The following GRM8 variants were observed in gnomAD, a reference collection of about 807,000 sequenced individuals.
GRM8 encodes the protein metabotropic glutamate receptor 8.
In GRM8, 47 loss-of-function variants were observed where a neutral mutation model predicts 87.2. The ratio of observed to expected loss-of-function variants is 0.54; its 90% confidence interval spans 0.43 to 0.69. The LOEUF (loss-of-function observed/expected upper bound fraction) is 0.69. Among genes scored for constraint, GRM8 ranks in the 30% least tolerant of loss-of-function variants. The pLI, the probability that GRM8 is intolerant of heterozygous loss-of-function variation, is 0.00. For synonymous variants in GRM8, 396 were observed against 404.5 expected, an observed-to-expected ratio of 0.98 and a Z score of 0.25; for missense variants, 1,019 against 1,139.2, an observed-to-expected ratio of 0.89 and a Z score of 1.52.
chr7:127,144,270 T>A (rs1828434468), intron 2 of GRM8, among the ~76,000 whole-genome samples: 1 of 152,128 alleles, frequency 6.6e-6, no homozygotes, highest in Non-Finnish European at 1.5e-5. Flanking sequence ...AAGAAAAGAA[T>A]AAGTTCTTTA....
At chr7:126,573,064 A>G (rs948536109) in intron 8 of GRM8, among the ~76,000 whole-genome samples, 2 of 152,194 alleles carry the variant, frequency 1.3e-5, no homozygotes, top group Admixed American at 1.3e-4. Flanking sequence ...AGAGAAGACA[A>G]TTCAGGTGAC....
At chr7:126,475,771 TAGAC>T (rs1411580079) in intron 9 of GRM8, among the ~76,000 whole-genome samples, 1 of 152,066 alleles carries the variant, frequency 6.6e-6, no homozygotes, top group Non-Finnish European at 1.5e-5. Context: ...AACAGACTTA[TAGAC>T]CAATGGAACA....
intron 3 of GRM8, among the ~76,000 whole-genome samples, chr7:126,914,231 C>T (rs144274227): frequency 6.6e-6 from 1 of 152,292 alleles, no homozygotes; most frequent in African/African-American, 2.4e-5. Flanking sequence ...GACATCATCA[C>T]ACACCAGTCA....
intron 8 of GRM8, among the ~76,000 whole-genome samples, chr7:126,554,405 C>T (rs934559242): frequency 6.7e-6 from 1 of 149,582 alleles, no homozygotes; most frequent in African/African-American, 2.5e-5. Flanking sequence ...CATAGCAAGA[C>T]CCAATTTCTA....
intron 3 of GRM8, among the ~76,000 whole-genome samples, chr7:126,975,841 T>C (rs1189436028): frequency 6.6e-6 from 1 of 152,240 alleles, no homozygotes; most frequent in African/African-American, 2.4e-5. Context: ...AGATAATACA[T>C]AGCTGTTTTT....
intron 3 of GRM8, among the ~76,000 whole-genome samples, chr7:126,950,053 C>T (rs1057159029): frequency 1.6e-4 from 24 of 152,150 alleles, no homozygotes; most frequent in Admixed American, 1.5e-3. Context: ...AAAGCAATGG[C>T]TCGATTCCTT....
At chr7:127,076,116 G>A (rs780253226) in intron 3 of GRM8, 10 of 455,870 alleles carry the variant, frequency 2.2e-5, no homozygotes, top group East Asian at 1.4e-4. Flanking sequence ...GAGCCTCTTC[G>A]ACTAATAGAC....
At chr7:126,698,622 C>G (rs991565419) in intron 7 of GRM8, among the ~76,000 whole-genome samples, 1 of 152,034 alleles carries the variant, frequency 6.6e-6, no homozygotes, top group African/African-American at 2.4e-5. Flanking sequence ...CTGATACAAT[C>G]TAGACCGTGA....
chr7:127,012,508 T>C (rs755904491), intron 3 of GRM8, among the ~76,000 whole-genome samples: 34 of 152,292 alleles, frequency 2.2e-4, no homozygotes, highest in African/African-American at 6.5e-4. Flanking sequence ...TACTCCATAA[T>C]TGCAGGCATT....
intron 7 of GRM8, among the ~76,000 whole-genome samples, chr7:126,759,816 C>T (rs189297517): frequency 6.6e-6 from 1 of 152,062 alleles, no homozygotes; most frequent in African/African-American, 2.4e-5. Context: ...TGTATCATCA[C>T]CTTACATTTA....
chr7:126,489,926 C>G (rs532683331), intron 9 of GRM8, among the ~76,000 whole-genome samples: 4 of 152,124 alleles, frequency 2.6e-5, no homozygotes, highest in South Asian at 2.1e-4. Flanking sequence ...CCCCCTCCCC[C>G]ACCAGAGCCA....
chr7:126,686,200 C>T (rs1314402281), intron 7 of GRM8, among the ~76,000 whole-genome samples: 1 of 152,030 alleles, frequency 6.6e-6, no homozygotes, highest in South Asian at 2.1e-4. Context: ...AGGAGCTGCC[C>T]ACTGAGAGTC....
chr7:126,624,666 T>C (rs148674810), intron 7 of GRM8, among the ~76,000 whole-genome samples: 10 of 152,326 alleles, frequency 6.6e-5, no homozygotes, highest in African/African-American at 2.4e-4. Context: ...ATCTTTTTCC[T>C]GGGCACATAG....
intron 3 of GRM8, among the ~76,000 whole-genome samples, chr7:127,038,201 C>T (rs985345854): frequency 6.6e-6 from 1 of 152,098 alleles, no homozygotes; most frequent in Non-Finnish European, 1.5e-5. Flanking sequence ...TTTCCCTTAG[C>T]ATCTAAATAA....
At chr7:127,170,417 T>C (rs559990382) in intron 2 of GRM8, among the ~76,000 whole-genome samples, 1 of 152,330 alleles carries the variant, frequency 6.6e-6, no homozygotes, top group Admixed American at 6.5e-5. Context: ...AAAACCACTA[T>C]GGAAAATAAT....
intron 7 of GRM8, among the ~76,000 whole-genome samples, chr7:126,767,437 GAC>G (rs1439724251): frequency 6.6e-6 from 1 of 152,092 alleles, no homozygotes; most frequent in Admixed American, 6.6e-5. Flanking sequence ...AGTCGCATAT[GAC>G]ACCTTTCTTT....
chr7:126,804,128 C>T (rs1792399389), intron 6 of GRM8, among the ~76,000 whole-genome samples: 2 of 152,234 alleles, frequency 1.3e-5, no homozygotes, highest in African/African-American at 4.8e-5. Context: ...TAACTGTCCT[C>T]TCAGTCTGCA....
intron 7 of GRM8, among the ~76,000 whole-genome samples, chr7:126,622,244 C>G (rs887388836): frequency 9.9e-5 from 15 of 152,058 alleles, no homozygotes; most frequent in African/African-American, 3.6e-4. Flanking sequence ...TTACCTTGTC[C>G]CTGCTGTCTG....
chr7:127,159,319 T>C (rs1157284174), intron 2 of GRM8, among the ~76,000 whole-genome samples: 1 of 152,178 alleles, frequency 6.6e-6, no homozygotes, highest in African/African-American at 2.4e-5. Context: ...AGAAAATTAA[T>C]AGAAAGGAAA....
Sources: gnomAD v4.1 joint callset for allele counts (sites outside exome capture counted in the v4.1 genomes callset) on GRCh38, gnomAD v4.1.1 for gene constraint, MANE v1.5 for transcripts, NCBI Gene and HGNC (gene_info 2026-07-23, HGNC 2026-07-21) for gene names.